The following SEC14L4 variants were observed in gnomAD, a reference collection of about 807,000 sequenced individuals.
The protein encoded by SEC14L4 is SEC14-like protein 4.
A neutral mutation model predicts 55.1 loss-of-function variants in SEC14L4; 42 were observed. That is an observed-to-expected ratio of 0.76 (90% CI 0.60 to 0.99). The LOEUF is 0.99. Ranked by LOEUF, SEC14L4 falls within the 50% of genes least tolerant of loss-of-function variation. SEC14L4 has a pLI of 0.00. For synonymous variants in SEC14L4, 206 were observed against 206.8 expected (o/e 1.00, Z 0.03); for missense variants, 445 against 512.1 (o/e 0.87, Z 1.27).
rs772722091 is a variant in SEC14L4, at chr22:30,491,722, C to T, written c.932G>A (p.Gly311Asp). The T allele has an allele frequency of 6.2e-7, 1 of 1,614,160 alleles. No homozygotes were observed. Among genetic ancestry groups the T allele is most frequent in the Non-Finnish European group, 8.5e-7 (1 of 1,180,004 alleles). The change falls in exon 11 of 12, where the codon GGT (glycine) becomes GAT (aspartate). Residue 311 changes from glycine (G) to aspartate (D), a missense_variant. Coordinates refer to ENST00000255858, the MANE Select transcript of SEC14L4 (RefSeq NM_174977.4). ...GAAAACCCCAAAGCCGATGTCCCCA[C>T]CATCTGAAGCAAACTGCCACCTGCA... ...CVLRWQFASD[G>D]GDIGFGVFLK...
intron 2 of SEC14L4, 42 bp from the exon 3 acceptor site, chr22:30,496,013 A>G: frequency 6.3e-7 from 1 of 1,588,848 alleles, no homozygotes; most frequent in South Asian, 1.1e-5. Context: ...GGCTAGATCC[A>G]GAAAGAGCCC....
At chr22:30,500,999 C>A (rs1936303511) in intron 2 of SEC14L4, among the ~76,000 whole-genome samples, 1 of 151,380 alleles carries the variant, frequency 6.6e-6, no homozygotes, top group Non-Finnish European at 1.5e-5. Flanking sequence ...GAGTTCGAGA[C>A]CAGCCTGGGC....
intron 10 of SEC14L4, 25 bp from the exon 11 acceptor site, chr22:30,491,767 C>T (rs368552886): frequency 2.8e-5 from 45 of 1,612,714 alleles, no homozygotes; most frequent in Admixed American, 8.3e-5. Context: ...GCCCCATTGG[C>T]GACCCCCTGC....
intron 2 of SEC14L4, among the ~76,000 whole-genome samples, chr22:30,502,968 CG>C: frequency 6.6e-6 from 1 of 152,226 alleles, no homozygotes; most frequent in East Asian, 1.9e-4. Context: ...TAGGGCACCT[CG>C]GTTCCTTTAG....
Position 30,495,936 on chromosome 22 carries a change from G to T in SEC14L4, c.166C>A (p.Leu56Ile), listed in dbSNP as rs755175652. Residue 56 changes from leucine (L) to isoleucine (I), a missense_variant, in exon 3 of 12, where the codon CTC becomes ATC. By Grantham distance (5) the Leu-to-Ile change is conservative (BLOSUM62 2). Coordinates refer to ENST00000255858, the MANE Select transcript of SEC14L4 (RefSeq NM_174977.4). Reference sequence around the variant, plus strand: ...GGATCACAGATCCTTACCCTTCGGAGCATGTCTTCGGATTTCTGCAGGTCA... The same window carrying T: ...GGATCACAGATCCTTACCCTTCGGATCATGTCTTCGGATTTCTGCAGGTCA... ...NFDLQKSEDM[L>I]RRHMEFRKQQ... The T allele has an allele frequency of 1.2e-5, 20 of 1,613,880 alleles. No individual in the cohort carries two copies. In the East Asian group the frequency reaches 4.2e-4, roughly 34 times the overall value.
chr22:30,501,834 C>T (rs141159934), intron 2 of SEC14L4, among the ~76,000 whole-genome samples: 1,253 of 99,444 alleles, frequency 0.013, 19 homozygotes, highest in African/African-American at 0.049. Flanking sequence ...TATATATATA[C>T]ACACACACGC....
chr22:30,499,392 C>T (rs1438387501), intron 2 of SEC14L4, among the ~76,000 whole-genome samples: 4 of 151,370 alleles, frequency 2.6e-5, no homozygotes, highest in Admixed American at 6.6e-5. Flanking sequence ...CTGATTTAGA[C>T]TTCTTTATAT....
chr22:30,492,628 G>T, intron 7 of SEC14L4, 71 bp from the exon 8 acceptor site: 2 of 1,219,154 alleles, frequency 1.6e-6, no homozygotes, highest in Non-Finnish European at 2.4e-6. Context: ...ACAGCCAAGA[G>T]CAGGTGCTGG....
At chr22:30,495,056 C>T in intron 5 of SEC14L4, 95 bp from the exon 6 acceptor site, 2 of 1,176,118 alleles carry the variant, frequency 1.7e-6, no homozygotes, top group Admixed American at 2.0e-5. Flanking sequence ...TTCCTGCCAT[C>T]CCACCCTCTG....
chr22:30,503,405 C>T (rs760536417), intron 2 of SEC14L4, among the ~76,000 whole-genome samples: 7 of 152,060 alleles, frequency 4.6e-5, no homozygotes, highest in Non-Finnish European at 8.8e-5. Context: ...GCTGAGATTA[C>T]AGGCATGTGC....
In SEC14L4 at chr22:30,489,801, A is replaced by T; in HGVS notation, c.*306T>A. ...TGGCTGGATCTTGTCAAGATGGGTG[A>T]AAGGGCAGCTTCTGCAAGCAGGACC... is the stretch of plus-strand genomic sequence containing the variant. On this transcript the variant is annotated 3_prime_UTR_variant, in exon 12 of 12. Transcript: ENST00000255858. The T allele has an allele frequency of 4.1e-6, 6 of 1,475,392 alleles. No homozygotes were observed. The highest frequency in any genetic ancestry group is 5.6e-6 in the Non-Finnish European group (6 of 1,077,358). 91.4% of individuals were successfully genotyped at this position (1,475,392 alleles called of 1,614,324 possible).
At position 30,492,535 on chromosome 22, in the gene SEC14L4, G is replaced by T; in HGVS notation, c.603C>A (p.Ala201=). ...VIRAPKLFPV[A]FNLVKSFMSE... The stretch of plus-strand genomic sequence containing the variant: ...TCATGAACGACTTGACCAAGTTGAA[G>T]GCCACGGGGAACAGTTTTGGGGCTG... Residue 201 remains alanine, a synonymous_variant, in exon 8 of 12, where the codon GCC becomes GCA. Transcript: ENST00000255858. The T allele has an allele frequency of 6.2e-7, 1 of 1,613,896 alleles. No individual in the cohort carries two copies. The highest frequency in any genetic ancestry group is 1.1e-5 in the South Asian group (1 of 91,064).
chr22:30,489,922 G>A lies in SEC14L4; in HGVS notation c.*185C>T, dbSNP rs2146155130. The A allele has an allele frequency of 1.3e-6, 2 of 1,551,858 alleles. No individual in the cohort carries two copies. The highest frequency in any genetic ancestry group is 1.7e-6 in the Non-Finnish European group (2 of 1,147,044). On this transcript the variant is annotated 3_prime_UTR_variant, in exon 12 of 12. Transcript: ENST00000255858. Reference sequence around the variant, plus strand: ...GTTCCTGTCTGAATCTTCAGCATGGGCTATGCACTGGTGGCCCCTTCCTGC... The same window carrying A: ...GTTCCTGTCTGAATCTTCAGCATGGACTATGCACTGGTGGCCCCTTCCTGC...
Position 30,494,158 on chromosome 22 carries a change from A to C in SEC14L4, c.572T>G (p.Val191Gly). The C allele has an allele frequency of 6.2e-7, 1 of 1,613,220 alleles. No individual in the cohort carries two copies. Among genetic ancestry groups the C allele is most frequent in the Admixed American group, 1.7e-5 (1 of 60,008 alleles). Residue 191 changes from valine to glycine, a missense_variant, in exon 7 of 12, where the codon GTT becomes GGT. Transcript: ENST00000255858. ...CCCGGTCATGGGCTTACCTCGAATA[A>C]CAATTAAATTCTTCAGGGTCTCAGG... ...NYPETLKNLI[V>G]IRAPKLFPVA...
chr22:30,493,638 A>G (rs1346241899), intron 7 of SEC14L4, among the ~76,000 whole-genome samples: 5 of 152,184 alleles, frequency 3.3e-5, no homozygotes, highest in Non-Finnish European at 7.3e-5. Flanking sequence ...ATAACTTGAC[A>G]TTGCTGAAAC....
At position 30,492,036 on chromosome 22, in the gene SEC14L4, G is replaced by A. The variant is rs1935977719; in HGVS notation, c.771+13C>T. 1 of 1,613,548 alleles carries A rather than the reference G, an allele frequency of 6.2e-7. No homozygotes were observed. Among genetic ancestry groups the A allele is most frequent in the Admixed American group, 1.7e-5 (1 of 59,964 alleles). On this transcript the variant is annotated intron_variant, in intron 9 of 11. Transcript: ENST00000255858. ...CTTCTCCCCTCCTTCCCCATCCTCTGGGCACCCTGTACCTTGGTCAGGCAC... is the reference window on the plus strand; with the variant it reads ...CTTCTCCCCTCCTTCCCCATCCTCTAGGCACCCTGTACCTTGGTCAGGCAC...
chr22:30,502,965 C>T (rs1936376690), intron 2 of SEC14L4, among the ~76,000 whole-genome samples: 1 of 152,256 alleles, frequency 6.6e-6, no homozygotes, highest in Admixed American at 6.5e-5. Flanking sequence ...CACTAGGGCA[C>T]CTCGGTTCCT....
chr22:30,490,810 T>C (rs1381159589), intron 11 of SEC14L4, among the ~76,000 whole-genome samples: 1 of 151,636 alleles, frequency 6.6e-6, no homozygotes, highest in Non-Finnish European at 1.5e-5. Context: ...GGAGGGGAGG[T>C]ACTGGGATTC....
At position 30,491,673 on chromosome 22, in the gene SEC14L4, C is replaced by A; in HGVS notation, c.981G>T (p.Gln327His). 1 of 1,614,192 alleles carries A rather than the reference C, an allele frequency of 6.2e-7. No homozygotes were observed. Among genetic ancestry groups the A allele is most frequent in the South Asian group, 1.1e-5 (1 of 91,086 alleles). ...CCTCCGTCATCTCCCTAGCACTCTG[C>A]TGCTCCCCCATCTTGGTCTTCAGGA... ...GVFLKTKMGE[Q>H]QSAREMTEVL... The change falls in exon 11 of 12, where the codon CAG becomes CAT. Residue 327 changes from glutamine (Q) to histidine (H), a missense_variant. Coordinates refer to ENST00000255858, the MANE Select transcript of SEC14L4 (RefSeq NM_174977.4).
Sources: allele counts gnomAD v4.1 joint callset (sites outside exome capture counted in the v4.1 genomes callset), GRCh38; gene constraint gnomAD v4.1.1; transcripts MANE v1.5; gene names NCBI Gene and HGNC (gene_info 2026-07-23, HGNC 2026-07-21).